Variants in ADCY2 observed in about 807,000 individuals in gnomAD.
ADCY2 encodes the protein adenylate cyclase type 2.
In ADCY2, 31 loss-of-function variants were observed where a neutral mutation model predicts 125.2. The ratio of observed to expected loss-of-function variants is 0.25; its 90% CI spans 0.19 to 0.33. The LOEUF is 0.33. Ranked by LOEUF, ADCY2 falls within the 10% of genes least tolerant of loss-of-function variation. ADCY2 has a pLI of 1.00. For missense variants in ADCY2, 904 were observed against 1,418.2 expected (o/e 0.64, Z 5.82); for synonymous variants, 512 against 548.4 (o/e 0.93, Z 0.93).
intron 14 of ADCY2, among the ~76,000 whole-genome samples, chr5:7,733,051 C>T (rs932553479): frequency 6.6e-6 from 1 of 152,144 alleles, no homozygotes; most frequent in East Asian, 1.9e-4. Flanking sequence ...TAGTTTCATT[C>T]ATATTATCTG....
At position 7,647,938 on chromosome 5, in the gene ADCY2, C is replaced by T. The variant is rs16878899; in HGVS notation, c.720+21622C>T. On this transcript the variant is annotated intron_variant, in intron 4 of 24. Transcript: ENST00000338316. ...AGCGGACCTTCTCCTTTTCTTCCTC[C>T]GTCCGATTAAAGGAGCCTGGGGAAA... Among the ~76,000 whole-genome samples, 1,111 of 152,222 alleles carry T rather than the reference C, an allele frequency of 7.3e-3. 9 individuals are homozygous for T. The highest frequency in any genetic ancestry group is 0.025 in the African/African-American group (1,045 of 41,546).
At chr5:7,707,965 G>A in intron 9 of ADCY2, 127 bp downstream of exon 9, 1 of 996,782 alleles carries the variant, frequency 1.0e-6, no homozygotes, top group Non-Finnish European at 1.4e-6. Flanking sequence ...TATTTTAAAT[G>A]CATATGGTGG....
intron 2 of ADCY2, among the ~76,000 whole-genome samples, chr5:7,466,602 A>G (rs1218001733): frequency 6.6e-6 from 1 of 152,224 alleles, no homozygotes; most frequent in Non-Finnish European, 1.5e-5. Flanking sequence ...CATTTGGAAG[A>G]GAAGTGAAAA....
chr5:7,652,900 A>C (rs1739146657), intron 4 of ADCY2, among the ~76,000 whole-genome samples: 2 of 152,240 alleles, frequency 1.3e-5, no homozygotes, highest in South Asian at 4.1e-4. Context: ...GAGCTCTGTG[A>C]AGAGAGCAAT....
chr5:7,804,040 A>AAAAGAGAGAGAGAG (rs1553990881), intron 21 of ADCY2, among the ~76,000 whole-genome samples: 3 of 106,586 alleles, frequency 2.8e-5, no homozygotes, highest in Non-Finnish European at 5.7e-5. Context: ...GGAGGGGGGA[A>AAAAGAGAGAGAGAG]AGAGAGAGAG....
chr5:7,675,668 A>G (rs1169994955), intron 4 of ADCY2, among the ~76,000 whole-genome samples: 2 of 152,212 alleles, frequency 1.3e-5, no homozygotes, highest in Non-Finnish European at 2.9e-5. Flanking sequence ...GCAGATTTTA[A>G]AGGAGAAGTA....
chr5:7,670,890 T>G (rs1214757165), intron 4 of ADCY2, among the ~76,000 whole-genome samples: 1 of 152,166 alleles, frequency 6.6e-6, no homozygotes, highest in Non-Finnish European at 1.5e-5. Flanking sequence ...GGCCAGCCAG[T>G]CTTTGGCTTG....
rs1490158483 is a variant in ADCY2 at position 7,690,724 on chromosome 5, A to G, written c.754A>G (p.Ile252Val). The G allele has an allele frequency of 1.2e-6, 2 of 1,603,878 alleles. No homozygotes were observed. Among genetic ancestry groups the G allele is most frequent in the East Asian group, 2.3e-5 (1 of 44,112 alleles). Residue 252 changes from isoleucine (I) to valine (V), a missense_variant, in exon 5 of 25, where the codon ATC (isoleucine) becomes GTC (valine). Coordinates refer to ENST00000338316, the MANE Select transcript of ADCY2 (RefSeq NM_020546.3). The part of the protein sequence containing the change: ...RLLLSLLPAH[I>V]AMEMKAEIIQ... ...TCTGCTCTCCCTGCTGCCGGCCCACATCGCCATGGAGATGAAAGCGGAGAT... is the reference window on the plus strand; with the variant it reads ...TCTGCTCTCCCTGCTGCCGGCCCACGTCGCCATGGAGATGAAAGCGGAGAT...
chr5:7,705,948 A>C (rs1741254374), intron 7 of ADCY2, among the ~76,000 whole-genome samples: 1 of 152,148 alleles, frequency 6.6e-6, no homozygotes, highest in Admixed American at 6.5e-5. Flanking sequence ...ACAATTCACA[A>C]GTGGTGGTGT....
At chr5:7,458,352 TATA>T (rs1178849395) in intron 2 of ADCY2, among the ~76,000 whole-genome samples, 2 of 152,246 alleles carry the variant, frequency 1.3e-5, no homozygotes, top group Non-Finnish European at 1.5e-5. Context: ...TAGAGTAATG[TATA>T]ATGAGGAAGC....
intron 3 of ADCY2, among the ~76,000 whole-genome samples, chr5:7,617,901 C>T (rs1443624978): frequency 6.6e-6 from 1 of 152,120 alleles, no homozygotes; most frequent in Non-Finnish European, 1.5e-5. Context: ...ACCAAAGTTT[C>T]GTTTGTAATA....
intron 4 of ADCY2, among the ~76,000 whole-genome samples, chr5:7,642,945 A>G (rs1738760697): frequency 1.3e-5 from 2 of 152,126 alleles, no homozygotes; most frequent in Non-Finnish European, 2.9e-5. Flanking sequence ...TCAAGAGCTC[A>G]TTAAGGGAGT....
At chr5:7,597,355 G>C (rs1310939970) in intron 3 of ADCY2, among the ~76,000 whole-genome samples, 1 of 152,186 alleles carries the variant, frequency 6.6e-6, no homozygotes, top group African/African-American at 2.4e-5. Flanking sequence ...TGGGTCCAGA[G>C]GCCCCCTCTC....
At chr5:7,589,526 G>GA (rs1561112724) in intron 3 of ADCY2, among the ~76,000 whole-genome samples, 3 of 69,626 alleles carry the variant, frequency 4.3e-5, no homozygotes, top group East Asian at 1.5e-3. Flanking sequence ...AAAAGAAAGA[G>GA]AAAGAAAGAA....
intron 15 of ADCY2, among the ~76,000 whole-genome samples, chr5:7,747,502 C>T (rs1345951326): frequency 6.6e-6 from 1 of 152,164 alleles, no homozygotes; most frequent in Non-Finnish European, 1.5e-5. Context: ...AGAACCTTCT[C>T]CAAATGTCCC....
intron 14 of ADCY2, among the ~76,000 whole-genome samples, chr5:7,731,354 C>G (rs1263038420): frequency 6.6e-6 from 1 of 150,494 alleles, no homozygotes; most frequent in Admixed American, 6.6e-5. Context: ...CTCCTGGGTT[C>G]AAGCAGTTCT....
chr5:7,637,545 G>A (rs1185337818), intron 4 of ADCY2, among the ~76,000 whole-genome samples: 1 of 151,686 alleles, frequency 6.6e-6, no homozygotes. Flanking sequence ...TGTAGCTAAT[G>A]TTCTAGTAAT....
intron 3 of ADCY2, among the ~76,000 whole-genome samples, chr5:7,588,826 G>C (rs1736716073): frequency 6.6e-6 from 1 of 152,180 alleles, no homozygotes; most frequent in South Asian, 2.1e-4. Flanking sequence ...GACTGATTTG[G>C]CCTGCAGTTT....
chr5:7,417,033 G>T (rs1187313603), intron 2 of ADCY2, among the ~76,000 whole-genome samples: 1 of 152,136 alleles, frequency 6.6e-6, no homozygotes, highest in South Asian at 2.1e-4. Flanking sequence ...CTAAATTTTT[G>T]TTATGAAAGA....
Sources: gnomAD v4.1 joint callset for allele counts (sites outside exome capture counted in the v4.1 genomes callset) on GRCh38, gnomAD v4.1.1 for gene constraint, MANE v1.5 for transcripts, NCBI Gene and HGNC (gene_info 2026-07-23, HGNC 2026-07-21) for gene names.